ANLN: variants seen among roughly 807,000 people sequenced by gnomAD.
ANLN encodes anillin.
In ANLN, 59 loss-of-function variants were observed where a neutral mutation model predicts 135.1. That is an observed-to-expected ratio of 0.44 (90% CI 0.35 to 0.54). The LOEUF is 0.54. Ranked by LOEUF, ANLN falls within the 20% of genes least tolerant of loss-of-function variation. The pLI, the probability that ANLN is intolerant of heterozygous loss-of-function variation, is 0.00. For missense variants in ANLN, 1,182 were observed against 1,340.0 expected, an observed-to-expected ratio of 0.88 and a Z score of 1.84; for synonymous variants, 406 against 456.4, an observed-to-expected ratio of 0.89 and a Z score of 1.41.
At chr7:36,418,602 G>C (rs913588238) in intron 9 of ANLN, among the ~76,000 whole-genome samples, 1 of 152,078 alleles carries the variant, frequency 6.6e-6, no homozygotes, top group South Asian at 2.1e-4. Context: ...AGCTCTCAAC[G>C]ATAGAAAAAG....
intron 22 of ANLN, chr7:36,448,966 T>C (rs1419655677): frequency 6.6e-6 from 1 of 152,252 alleles, no homozygotes; most frequent in Non-Finnish European, 1.5e-5. Flanking sequence ...TAAGAAACTG[T>C]ATTACTCACT....
At chr7:36,434,433 C>G (rs556006490) in intron 20 of ANLN, among the ~76,000 whole-genome samples, 1 of 152,200 alleles carries the variant, frequency 6.6e-6, no homozygotes, top group Non-Finnish European at 1.5e-5. Flanking sequence ...GCCTGTCTAC[C>G]TCAGCCTGGG....
Position 36,411,146 on chromosome 7 carries a change from A to C in ANLN, c.1375A>C (p.Lys459Gln). 1 of 1,605,710 alleles carries C rather than the reference A, an allele frequency of 6.2e-7. No individual in the cohort carries two copies. The highest frequency in any genetic ancestry group is 1.1e-5 in the South Asian group (1 of 88,762). Residue 459 changes from lysine to glutamine, a missense_variant, in exon 7 of 24, where the codon AAA becomes CAA. By Grantham distance (53) the Lys-to-Gln change is moderately conservative. Around this residue, in one of 3 missense-constraint regions of ANLN, gnomAD observed 1,022 missense variants for 1,134.0 expected, o/e 0.90. Coordinates refer to ENST00000265748, the MANE Select transcript of ANLN (RefSeq NM_018685.5). ...SAEKGGNSKS[K>Q]QLETKQETHC... is the part of the protein sequence containing the mutation. The stretch of plus-strand genomic sequence containing the variant: ...AGAAAAAGGCGGAAACTCAAAAAGC[A>C]AACAACTAGAAACCAAACAGGTAAT...
intron 5 of ANLN, among the ~76,000 whole-genome samples, chr7:36,408,616 C>T (rs1385289163): frequency 6.6e-6 from 1 of 152,134 alleles, no homozygotes; most frequent in African/African-American, 2.4e-5. Context: ...TTGAAGTATA[C>T]AATAGATTAT....
chr7:36,416,372 C>T (rs1439428998), intron 8 of ANLN, among the ~76,000 whole-genome samples: 1 of 152,118 alleles, frequency 6.6e-6, no homozygotes. Context: ...TAATTTTACT[C>T]CTTTTCTAAT....
chr7:36,410,690 C>T lies in ANLN; in HGVS notation c.1273C>T (p.Gln425Ter). ...DTSSSTTHLA[Q>*]QLKQERQKEL... The stretch of plus-strand genomic sequence containing the variant: ...ATCTTCATCTACTACCCATTTAGCA[C>T]AACAGCTCAAGCAGGTATGGTGTAC... The change falls in exon 6 of 24, where the codon CAA (glutamine) becomes TAA (stop). Residue 425 changes from glutamine to a stop codon, truncating the protein, a stop_gained. Transcript: ENST00000265748. LOFTEE classifies it high-confidence loss of function. 6.2e-7 allele frequency: 1 copy of T among 1,613,752 alleles called. No individual in the cohort carries two copies. The highest frequency in any genetic ancestry group is 1.1e-5 in the South Asian group (1 of 91,034).
intron 20 of ANLN, among the ~76,000 whole-genome samples, chr7:36,431,884 T>TC (rs971596417): frequency 3.3e-5 from 5 of 151,416 alleles, no homozygotes; most frequent in East Asian, 1.9e-4. Flanking sequence ...CTTTCTTTTT[T>TC]CCCCCCCAGA....
chr7:36,435,547 A>G (rs1788498040), intron 20 of ANLN, among the ~76,000 whole-genome samples: 1 of 152,114 alleles, frequency 6.6e-6, no homozygotes, highest in Non-Finnish European at 1.5e-5. Context: ...ACTCTTTTGA[A>G]TCTAATTTCT....
chr7:36,402,467 GCCCTGTCCAGT>G (rs1363824860), intron 3 of ANLN, among the ~76,000 whole-genome samples: 1 of 151,968 alleles, frequency 6.6e-6, no homozygotes, highest in African/African-American at 2.4e-5. Flanking sequence ...TCAGACCTCT[GCCCTGTCCAGT>G]CCCTCCTCAA....
intron 20 of ANLN, among the ~76,000 whole-genome samples, chr7:36,429,114 AGGTATATT>A (rs755588066): frequency 5.3e-5 from 8 of 152,124 alleles, no homozygotes; most frequent in Non-Finnish European, 1.2e-4. Flanking sequence ...ATTGGCTAAT[AGGTATATT>A]GCTAGATAGA....
intron 21 of ANLN, 85 bp from the exon 22 acceptor site, chr7:36,443,670 T>C: frequency 1.3e-6 from 1 of 785,468 alleles, no homozygotes; most frequent in Non-Finnish European, 2.1e-6. Flanking sequence ...GTCAACATAC[T>C]ACAGTTAGTG....
In ANLN at chr7:36,406,162, T is replaced by C. The variant is rs755553777; in HGVS notation, c.488-19T>C. Reference sequence around the variant, plus strand: ...ACTCTTAAACATGGTTTTTAACTCTTTTCTGAAAACATTTTCAGATGACAT... The same window carrying C: ...ACTCTTAAACATGGTTTTTAACTCTCTTCTGAAAACATTTTCAGATGACAT... On this transcript the variant is annotated intron_variant, in intron 3 of 23. Coordinates refer to ENST00000265748, the MANE Select transcript of ANLN (RefSeq NM_018685.5). 3.5e-5 allele frequency: 55 copies of C among 1,573,948 alleles called. No homozygotes were observed. The highest frequency in any genetic ancestry group is 4.6e-5 in the Non-Finnish European group (53 of 1,156,438).
Position 36,417,121 on chromosome 7 carries a change from A to G in ANLN, c.1564A>G (p.Ile522Val). The G allele has an allele frequency of 6.2e-7, 1 of 1,609,964 alleles. No individual in the cohort carries two copies. The highest frequency in any genetic ancestry group is 8.5e-7 in the Non-Finnish European group (1 of 1,178,462). Residue 522 changes from isoleucine to valine, a missense_variant, in exon 9 of 24, where the codon ATA becomes GTA. Around this residue, in one of 3 missense-constraint regions of ANLN, gnomAD observed 1,022 missense variants for 1,134.0 expected, o/e 0.90. Transcript: ENST00000265748. ...AATGACGAAATCTAGCCCTTTGAAA[A>G]TAACATTGTTTTTAGAAGAGGACAA... is the stretch of plus-strand genomic sequence containing the variant. ...CEMTKSSPLKITLFLEEDKSL... is the reference protein window; with the variant it reads ...CEMTKSSPLKVTLFLEEDKSL...
At chr7:36,426,208 G>A (rs1178331742) in intron 19 of ANLN, among the ~76,000 whole-genome samples, 172 bp downstream of exon 19, 1 of 152,138 alleles carries the variant, frequency 6.6e-6, no homozygotes, top group Non-Finnish European at 1.5e-5. Context: ...AGAGTAGGAT[G>A]CAGTTTGGTT....
intron 20 of ANLN, among the ~76,000 whole-genome samples, chr7:36,435,683 C>G (rs1788506520): frequency 6.6e-6 from 1 of 151,412 alleles, no homozygotes; most frequent in Non-Finnish European, 1.5e-5. Context: ...ACCATCCTGG[C>G]TAACACGGTG....
chr7:36,407,882 C>G lies in ANLN; in HGVS notation c.1022C>G (p.Thr341Arg), dbSNP rs1787257771. The G allele has an allele frequency of 6.2e-7, 1 of 1,613,740 alleles. No individual in the cohort carries two copies. The highest frequency in any genetic ancestry group is 1.7e-5 in the Admixed American group (1 of 59,984). Residue 341 changes from threonine (T) to arginine (R), a missense_variant, in exon 5 of 24, where the codon ACA becomes AGA. This residue lies in a region of ANLN where 1,022 missense variants were observed against 1,134.0 expected (regional missense o/e 0.90). Transcript: ENST00000265748. The stretch of plus-strand genomic sequence containing the variant: ...ATTGTGAAGTCAACTTTATCCCAGA[C>G]AGTTCCATCCAAGGGAGAATTAAGT... ...KPIVKSTLSQ[T>R]VPSKGELSRE...
chr7:36,441,594 G>A (rs1788775702), intron 21 of ANLN, among the ~76,000 whole-genome samples: 1 of 152,202 alleles, frequency 6.6e-6, no homozygotes, highest in Non-Finnish European at 1.5e-5. Flanking sequence ...GCAAGAGGCA[G>A]GCGCTCTGGA....
chr7:36,417,899 A>G (rs1241530007), intron 9 of ANLN, among the ~76,000 whole-genome samples: 1 of 151,272 alleles, frequency 6.6e-6, no homozygotes, highest in Non-Finnish European at 1.5e-5. Context: ...CTGGTCTGGA[A>G]CTCCTGACCT....
intron 1 of ANLN, among the ~76,000 whole-genome samples, chr7:36,392,448 A>G (rs1019722936): frequency 1.3e-5 from 2 of 151,576 alleles, no homozygotes; most frequent in Admixed American, 6.6e-5. Context: ...CAGGGACTAT[A>G]AGCTTCAGTT....
Sources: gnomAD v4.1 joint callset for allele counts (sites outside exome capture counted in the v4.1 genomes callset) on GRCh38, gnomAD v4.1.1 for gene constraint, gnomAD v4.1.1 regional missense constraint, MANE v1.5 for transcripts, NCBI Gene and HGNC (gene_info 2026-07-23, HGNC 2026-07-21) for gene names.